Variants in ATP4B observed in about 807,000 individuals in gnomAD.
ATP4B encodes the protein ATPase H+/K+ transporting subunit beta.
In ATP4B, 27 loss-of-function variants were observed where a neutral mutation model predicts 35.3. That is an observed-to-expected ratio of 0.76 (90% confidence interval 0.56 to 1.05). The LOEUF (loss-of-function observed/expected upper bound fraction) is 1.05. ATP4B is among the 50% of genes least tolerant of loss of function. The probability of loss-of-function intolerance (pLI) is 0.00; values close to 1 mark genes in which losing one functional copy is unlikely to be tolerated. For missense variants in ATP4B, 375 were observed against 384.8 expected (o/e 0.97, Z 0.21); for synonymous variants, 162 against 156.0 (o/e 1.04, Z -0.29).
At chr13:113,654,108 T>G (rs2049735271) in intron 2 of ATP4B, among the ~76,000 whole-genome samples, 1 of 152,210 alleles carries the variant, frequency 6.6e-6, no homozygotes, top group Non-Finnish European at 1.5e-5. Context: ...TTTCCATAAA[T>G]GTGGTTTCAT....
At chr13:113,652,716 G>GTGC (rs1249146053) in intron 4 of ATP4B, 157 bp downstream of exon 4, 1 of 796,802 alleles carries the variant, frequency 1.3e-6, no homozygotes, top group South Asian at 1.5e-5. Flanking sequence ...CACGGGACAG[G>GTGC]TGCGTGCCAA....
chr13:113,651,573 C>T, intron 5 of ATP4B, 98 bp downstream of exon 5: 2 of 1,338,806 alleles, frequency 1.5e-6, no homozygotes, highest in Non-Finnish European at 2.0e-6. Context: ...GCTGACATTC[C>T]TGGAGAGAAC....
rs754020143 is a variant in ATP4B at position 113,650,029 on chromosome 13, G to A, written c.714+377C>T. 1.6e-4 allele frequency among the ~76,000 whole-genome samples: 24 copies of A among 152,092 alleles called. No homozygotes were observed. Among genetic ancestry groups the A allele is most frequent in the Non-Finnish European group, 2.9e-4 (20 of 68,030 alleles). ...AATACGAAAATTAGCTGGGCATGTT[G>A]GTGTGTGCCTGTGGTCTCAGCTACT... On this transcript the variant is annotated intron_variant, in intron 6 of 6. Transcript: ENST00000335288. This position sits in a 1 kb window ranked among gnomAD's most constrained non-coding sequence, Gnocchi z 5.0.
At chr13:113,657,947 G>A (rs2049768323) in intron 1 of ATP4B, 86 bp downstream of exon 1, 4 of 1,158,102 alleles carry the variant, frequency 3.5e-6, no homozygotes, top group Non-Finnish European at 4.9e-6. Flanking sequence ...GGGGCCCTCT[G>A]CTCCCCTCCT....
rs2049698347 is a variant in ATP4B at position 113,649,850 on chromosome 13, G to A, written c.715-315C>T. 6.6e-6 allele frequency among the ~76,000 whole-genome samples: 1 copy of A among 152,156 alleles called. No homozygotes were observed. Among genetic ancestry groups the A allele is most frequent in the Non-Finnish European group, 1.5e-5 (1 of 68,010 alleles). The stretch of plus-strand genomic sequence containing the variant: ...AAGTCTTCGAAGTGGATATGCAGTT[G>A]TTTTAGAGGATCTGGGAAGTAGAAA... On this transcript the variant is annotated intron_variant, in intron 6 of 6. Coordinates refer to ENST00000335288, the MANE Select transcript of ATP4B (RefSeq NM_000705.4). The surrounding 1 kb of genome is among the most constrained non-coding windows in gnomAD (Gnocchi z 4.7).
In ATP4B at chr13:113,658,021, C is replaced by T. The variant is rs369266336; in HGVS notation, c.112+12G>A. 1 of 1,589,324 alleles carries T rather than the reference C, an allele frequency of 6.3e-7. No homozygotes were observed. The highest frequency in any genetic ancestry group is 1.7e-5 in the Admixed American group (1 of 57,616). ...CCTCCATGCACCCAGCCGGCCCGCC[C>T]CCCGCACGTACCCCACCGGGACAGG... On this transcript the variant is annotated intron_variant, in intron 1 of 6. Transcript: ENST00000335288.
intron 4 of ATP4B, among the ~76,000 whole-genome samples, chr13:113,652,179 C>A (rs1044126978): frequency 6.6e-6 from 1 of 152,362 alleles, no homozygotes; most frequent in Middle Eastern, 3.4e-3. Context: ...CCAGCCATCC[C>A]CTGCTGTGCT....
In ATP4B at chr13:113,653,433, C is replaced by G. The variant is rs1434263098; in HGVS notation, c.243G>C (p.Gly81=). ...PDYQDQLRSP[G]VTLRPDVYGE... ...CGTAAACATCCGGCCTTAAGGTTACCCCTGGAGAGAGAGACCTTTGTGCTT... is the reference window on the plus strand; with the variant it reads ...CGTAAACATCCGGCCTTAAGGTTACGCCTGGAGAGAGAGACCTTTGTGCTT... The change falls in exon 3 of 7, where the codon GGG becomes GGC. Residue 81 remains glycine, a splice_region_variant and synonymous_variant. Coordinates refer to ENST00000335288, the MANE Select transcript of ATP4B (RefSeq NM_000705.4). 3 of 1,613,144 alleles carry G rather than the reference C, an allele frequency of 1.9e-6. No homozygotes were observed. The African/African-American group carries it at 4.0e-5, about 22-fold the overall frequency.
In ATP4B at chr13:113,652,874, C is replaced by T. The variant is rs763666844; in HGVS notation, c.554G>A (p.Arg185Lys). Residue 185 changes from arginine (R) to lysine (K), a missense_variant and splice_region_variant, in exon 4 of 7, where the codon AGG becomes AAG. Coordinates refer to ENST00000335288, the MANE Select transcript of ATP4B (RefSeq NM_000705.4). ...GKPCFIIKMN[R>K]IVKFLPSNGS... ...GTGAAGGAGACCCTCAGTACTCACC[C>T]TGTTCATTTTAATAATAAAACATGG... is the stretch of plus-strand genomic sequence containing the variant. 5 of 1,614,136 alleles carry T rather than the reference C, an allele frequency of 3.1e-6. No individual in the cohort carries two copies. The South Asian group carries it at 5.5e-5, about 18-fold the overall frequency.
intron 1 of ATP4B, among the ~76,000 whole-genome samples, chr13:113,657,074 G>T (rs1277096269): frequency 6.6e-6 from 1 of 152,194 alleles, no homozygotes; most frequent in African/African-American, 2.4e-5. Context: ...CCTCCAGCGG[G>T]GGCTGCAGCC....
At chr13:113,654,593 G>C (rs2049738582) in intron 2 of ATP4B, among the ~76,000 whole-genome samples, 1 of 152,254 alleles carries the variant, frequency 6.6e-6, no homozygotes, top group Non-Finnish European at 1.5e-5. Context: ...AAGAAACTAA[G>C]GGGCCGCTTA....
intron 2 of ATP4B, 70 bp downstream of exon 2, chr13:113,654,742 GGC>G (rs1302228401): frequency 8.3e-5 from 128 of 1,542,390 alleles, no homozygotes; most frequent in Non-Finnish European, 8.9e-5. Context: ...GGGTCCCCCG[GGC>G]GTCTCCAGAG....
In ATP4B at chr13:113,649,658, G is replaced by T; in HGVS notation, c.715-123C>A. On this transcript the variant is annotated intron_variant, in intron 6 of 6. Transcript: ENST00000335288. This position sits in a 1 kb window ranked among gnomAD's most constrained non-coding sequence, Gnocchi z 4.7. ...AGAAGCAGCTCTTTTGTGTAAGACT[G>T]GCCCTGACCGAGTGCATGCCCTGGA... 8.8e-7 allele frequency: 1 copy of T among 1,139,340 alleles called. No homozygotes were observed. The highest frequency in any genetic ancestry group is 1.6e-5 in the African/African-American group (1 of 61,406). The allele number at this position is 1,139,340 out of a possible 1,614,324, so 70.6% of individuals were successfully genotyped here. A position where few individuals can be genotyped will look rare whatever the true frequency, so the allele number is the denominator to read the frequency against.
intron 1 of ATP4B, among the ~76,000 whole-genome samples, chr13:113,657,436 C>T (rs1447086303): frequency 1.3e-5 from 2 of 152,230 alleles, no homozygotes; most frequent in Non-Finnish European, 2.9e-5. Context: ...CCTGTGTGGC[C>T]TTGGAGGCCC....
At position 113,658,132 on chromosome 13, in the gene ATP4B, G is replaced by C. The variant is rs755148201; in HGVS notation, c.13C>G (p.Gln5Glu). ...CGCTGGCCACACGTCTTCTTCTCCT[G>C]CAGAGCCGCCATCGTCCCTGGCCTG... MAAL[Q>E]EKKTCGQRME... is the part of the protein sequence containing the mutation. The change falls in exon 1 of 7, where the codon CAG becomes GAG. Residue 5 changes from glutamine (Q) to glutamate (E), a missense_variant. Transcript: ENST00000335288. 6.2e-7 allele frequency: 1 copy of C among 1,612,550 alleles called. No individual in the cohort carries two copies. The highest frequency in any genetic ancestry group is 8.5e-7 in the Non-Finnish European group (1 of 1,179,628).
rs1373730063 is a variant in ATP4B, at chr13:113,649,315, C to T, written c.*59G>A. 5.2e-6 allele frequency: 8 copies of T among 1,538,906 alleles called. No individual in the cohort carries two copies. The African/African-American group carries it at 8.2e-5, about 16-fold the overall frequency. On this transcript the variant is annotated 3_prime_UTR_variant, in exon 7 of 7. Coordinates refer to ENST00000335288, the MANE Select transcript of ATP4B (RefSeq NM_000705.4). This position sits in a 1 kb window ranked among gnomAD's most constrained non-coding sequence, Gnocchi z 4.7. ...GAACTGACGGGCAAGGTAAGCCCAACCAGGAGGGTGTCCTTGAGCGACCCC... is the reference window on the plus strand; with the variant it reads ...GAACTGACGGGCAAGGTAAGCCCAATCAGGAGGGTGTCCTTGAGCGACCCC...
At chr13:113,657,444 CCCAGGCATCTGCTTTCCTCCCAGGAGGG>C in intron 1 of ATP4B, among the ~76,000 whole-genome samples, 1 of 152,220 alleles carries the variant, frequency 6.6e-6, no homozygotes, top group Non-Finnish European at 1.5e-5. Context: ...GCCTTGGAGG[CCCAGGCATCTGCTTTCCTCCCAGGAGGG>C]CCAGGCTGCC....
At chr13:113,655,071 C>T in intron 1 of ATP4B, 129 bp from the exon 2 acceptor site, 1 of 1,297,812 alleles carries the variant, frequency 7.7e-7, no homozygotes. Context: ...TTCTCCTCCC[C>T]CAAAACAGAA....
At chr13:113,651,834 T>G in intron 4 of ATP4B, 107 bp from the exon 5 acceptor site, 1 of 1,364,342 alleles carries the variant, frequency 7.3e-7, no homozygotes, top group Non-Finnish European at 1.0e-6. Flanking sequence ...GCCTGGGCTT[T>G]CTGACCAGGA....
Sources: gnomAD v4.1 joint callset for allele counts (sites outside exome capture counted in the v4.1 genomes callset) on GRCh38, gnomAD v4.1.1 for gene constraint, Gnocchi (gnomAD v3.1) non-coding constraint, MANE v1.5 for transcripts, NCBI Gene and HGNC (gene_info 2026-07-23, HGNC 2026-07-21) for gene names.